Variants in LRP1B observed in about 807,000 individuals in gnomAD.
LRP1B encodes the protein LDL receptor related protein 1B.
A neutral mutation model predicts 556.6 loss-of-function variants in LRP1B; 217 were observed. The observed-to-expected ratio is 0.39, with a 90% CI of 0.35 to 0.44. The LOEUF is 0.44. Among genes scored for constraint, LRP1B ranks in the 20% least tolerant of loss-of-function variants. LRP1B has a pLI of 1.00. For synonymous variants in LRP1B, 2,047 were observed against 1,865.8 expected (o/e 1.10, Z -2.50); for missense variants, 5,053 against 5,620.8 (o/e 0.90, Z 3.23).
chr2:140,732,419 T>G (rs781125437), intron 35 of LRP1B, among the ~76,000 whole-genome samples: 1 of 152,094 alleles, frequency 6.6e-6, no homozygotes, highest in Non-Finnish European at 1.5e-5. Context: ...TTACCTGAAC[T>G]GCATGATGTT....
chr2:141,910,492 A>T (rs1323100572), intron 1 of LRP1B, among the ~76,000 whole-genome samples: 1 of 151,756 alleles, frequency 6.6e-6, no homozygotes, highest in Non-Finnish European at 1.5e-5. Context: ...TGAAATATAC[A>T]TTTTTTCTAG....
At chr2:141,519,398 TATATGA>T (rs1468518264) in intron 2 of LRP1B, among the ~76,000 whole-genome samples, 7 of 23,976 alleles carry the variant, frequency 2.9e-4, no homozygotes, top group African/African-American at 1.3e-3. Context: ...TATATATATA[TATATGA>T]AATGCAATAT....
chr2:141,775,555 T>C (rs1695036503), intron 2 of LRP1B, among the ~76,000 whole-genome samples: 1 of 152,188 alleles, frequency 6.6e-6, no homozygotes, highest in African/African-American at 2.4e-5. Context: ...AAATACCAGC[T>C]AACACAGAAA....
intron 7 of LRP1B, among the ~76,000 whole-genome samples, chr2:141,062,729 G>C (rs1699370540): frequency 6.6e-6 from 1 of 151,718 alleles, no homozygotes; most frequent in African/African-American, 2.4e-5. Flanking sequence ...CGCTATGAGT[G>C]GTGGAGAATA....
At chr2:140,736,336 A>G (rs959009412) in intron 35 of LRP1B, among the ~76,000 whole-genome samples, 11 of 152,138 alleles carry the variant, frequency 7.2e-5, no homozygotes, top group Non-Finnish European at 1.6e-4. Flanking sequence ...CTATTACAGT[A>G]GGAGGGCAGT....
At chr2:141,115,127 TC>T (rs1467271651) in intron 7 of LRP1B, among the ~76,000 whole-genome samples, 2 of 146,026 alleles carry the variant, frequency 1.4e-5, no homozygotes, top group African/African-American at 5.0e-5. Flanking sequence ...TGGATAATGT[TC>T]TTTGGTCTTT....
intron 3 of LRP1B, among the ~76,000 whole-genome samples, chr2:141,339,441 C>T (rs2248431): frequency 0.6 from 91,664 of 152,014 alleles, 28,505 homozygotes; most frequent in African/African-American, 0.68. Context: ...ACATATTGGG[C>T]TTAAAACTTG....
At chr2:141,438,986 G>A (rs13031808) in intron 3 of LRP1B, among the ~76,000 whole-genome samples, 22,083 of 151,812 alleles carry the variant, frequency 0.15, 1,800 homozygotes, top group South Asian at 0.27. Flanking sequence ...TATGTTGGGT[G>A]GTATGATCAA....
intron 1 of LRP1B, among the ~76,000 whole-genome samples, chr2:141,897,782 T>C (rs1699497931): frequency 6.6e-6 from 1 of 152,142 alleles, no homozygotes; most frequent in African/African-American, 2.4e-5. Context: ...TGTCCAGCAG[T>C]CACCAGAATA....
chr2:142,047,537 A>G (rs62157629), intron 1 of LRP1B, among the ~76,000 whole-genome samples: 1 of 151,778 alleles, frequency 6.6e-6, no homozygotes, highest in Non-Finnish European at 1.5e-5. Context: ...TTTTTTTTAA[A>G]GATTTAATGT....
At chr2:141,875,993 CAAT>C (rs912010672) in intron 1 of LRP1B, among the ~76,000 whole-genome samples, 2 of 151,778 alleles carry the variant, frequency 1.3e-5, no homozygotes, top group Non-Finnish European at 2.9e-5. Flanking sequence ...GTGTATAAAA[CAAT>C]AATACAGGAA....
intron 35 of LRP1B, among the ~76,000 whole-genome samples, chr2:140,733,805 A>G (rs931808723): frequency 1.3e-5 from 2 of 152,212 alleles, no homozygotes; most frequent in African/African-American, 4.8e-5. Flanking sequence ...CAAACTTACT[A>G]TCTGAACACT....
At chr2:141,319,457 G>C (rs1477783021) in intron 3 of LRP1B, among the ~76,000 whole-genome samples, 3 of 151,764 alleles carry the variant, frequency 2.0e-5, no homozygotes, top group South Asian at 4.1e-4. Context: ...TTAACATATA[G>C]TATATCACAT....
intron 32 of LRP1B, among the ~76,000 whole-genome samples, chr2:140,804,648 A>AT (rs1690646115): frequency 4.2e-3 from 435 of 103,832 alleles, no homozygotes; most frequent in East Asian, 5.8e-3. Context: ...GGTAAAAACT[A>AT]ATTTTTTTTT....
chr2:140,788,852 AT>A (rs1022098328), intron 32 of LRP1B, among the ~76,000 whole-genome samples: 3 of 152,144 alleles, frequency 2.0e-5, no homozygotes, highest in African/African-American at 7.2e-5. Context: ...ATGAGGTCAT[AT>A]GGGTGGATCC....
At chr2:140,251,094 TG>T (rs1236940865) in intron 86 of LRP1B, among the ~76,000 whole-genome samples, 1 of 151,804 alleles carries the variant, frequency 6.6e-6, no homozygotes, top group African/African-American at 2.4e-5. Flanking sequence ...ATAGCTATAA[TG>T]TTTTGTTTCA....
intron 66 of LRP1B, among the ~76,000 whole-genome samples, chr2:140,435,515 C>T (rs1040463623): frequency 2.0e-5 from 3 of 152,032 alleles, no homozygotes; most frequent in Non-Finnish European, 4.4e-5. Flanking sequence ...ATTATAATCC[C>T]CACTGGGCAA....
chr2:141,480,281 T>C (rs1053309849), intron 3 of LRP1B, 115 bp downstream of exon 3: 1 of 1,151,334 alleles, frequency 8.7e-7, no homozygotes, highest in African/African-American at 1.5e-5. Context: ...TCATGCTTTC[T>C]TAATAACTGA....
At chr2:141,770,388 G>A (rs1285525315) in intron 2 of LRP1B, among the ~76,000 whole-genome samples, 1 of 152,098 alleles carries the variant, frequency 6.6e-6, no homozygotes, top group Non-Finnish European at 1.5e-5. Flanking sequence ...TGAGACATGA[G>A]AATATTTCTT....
Sources: gnomAD v4.1 joint callset for allele counts (sites outside exome capture counted in the v4.1 genomes callset) on GRCh38, gnomAD v4.1.1 for gene constraint, MANE v1.5 for transcripts, NCBI Gene and HGNC (gene_info 2026-07-23, HGNC 2026-07-21) for gene names.